RSU1: variants seen among roughly 807,000 people sequenced by gnomAD.
RSU1 encodes the protein rsu-1.
A neutral mutation model predicts 31.1 loss-of-function variants in RSU1; 26 were observed. The observed-to-expected ratio is 0.84, with a 90% CI of 0.61 to 1.16. The LOEUF (loss-of-function observed/expected upper bound fraction) is 1.16, where lower values mean the gene tolerates loss of function less well. Ranked by LOEUF, RSU1 falls within the 50% of genes most tolerant of loss-of-function variation. RSU1 has a pLI of 0.00. For missense variants in RSU1, 320 were observed against 339.1 expected (o/e 0.94, Z 0.44); for synonymous variants, 164 against 136.3 (o/e 1.20, Z -1.41).
rs147376286 is a variant in RSU1, at chr10:16,809,995, G to A, written c.109+6978C>T. ...CAGCAATTTGGGAGGCCGGGGGTGG[G>A]GGGGGGAGGTGAATCACCTGAGGTC... On this transcript the variant is annotated intron_variant, in intron 2 of 8. Coordinates refer to ENST00000345264, the MANE Select transcript of RSU1 (RefSeq NM_012425.4). Among the ~76,000 whole-genome samples the A allele has an allele frequency of 3.4e-3, 505 of 150,474 alleles. 11 individuals are homozygous for A. The highest frequency in any genetic ancestry group is 0.012 in the African/African-American group (487 of 41,326).
At chr10:16,794,349 A>T (rs769352195) in intron 2 of RSU1, among the ~76,000 whole-genome samples, 26 of 152,210 alleles carry the variant, frequency 1.7e-4, no homozygotes, top group Non-Finnish European at 3.7e-4. Flanking sequence ...TGAAACTCCC[A>T]TTAAAAGGGA....
At chr10:16,724,014 C>T (rs904830554) in intron 7 of RSU1, among the ~76,000 whole-genome samples, 17 of 152,096 alleles carry the variant, frequency 1.1e-4, no homozygotes, top group Non-Finnish European at 1.2e-4. Context: ...GATCTCGGCT[C>T]ACTGCAACCT....
chr10:16,755,080 G>C, intron 4 of RSU1, 91 bp from the exon 5 acceptor site: 1 of 704,576 alleles, frequency 1.4e-6, no homozygotes, highest in Non-Finnish European at 2.5e-6. Flanking sequence ...CGCTGAAAGT[G>C]TAAGACAGTG....
chr10:16,719,276 C>T (rs966894757), intron 7 of RSU1, among the ~76,000 whole-genome samples: 3 of 152,182 alleles, frequency 2.0e-5, no homozygotes, highest in Admixed American at 6.6e-5. Context: ...CCACTGCACT[C>T]CAGCCTGCGC....
chr10:16,672,443 G>A (rs1459001120), intron 8 of RSU1, among the ~76,000 whole-genome samples: 6 of 152,108 alleles, frequency 3.9e-5, no homozygotes, highest in Non-Finnish European at 7.3e-5. Context: ...ATTTCTAATA[G>A]CCCCTAACTG....
intron 2 of RSU1, among the ~76,000 whole-genome samples, chr10:16,812,439 C>G (rs1838429023): frequency 6.6e-6 from 1 of 151,990 alleles, no homozygotes; most frequent in Non-Finnish European, 1.5e-5. Flanking sequence ...AAGACTCCAT[C>G]TCAAAAACAA....
chr10:16,595,206 G>A (rs1588664986), intron 8 of RSU1, among the ~76,000 whole-genome samples: 1 of 152,350 alleles, frequency 6.6e-6, no homozygotes, highest in Non-Finnish European at 1.5e-5. Context: ...GAGCCACTGT[G>A]CCTGGCGTCC....
chr10:16,810,874 T>G (rs369018040), intron 2 of RSU1, among the ~76,000 whole-genome samples: 4 of 151,976 alleles, frequency 2.6e-5, no homozygotes, highest in Admixed American at 2.6e-4. Context: ...TTACAAAAAT[T>G]TGCCGGCAGT....
chr10:16,693,413 C>T (rs950693265), intron 8 of RSU1, among the ~76,000 whole-genome samples: 2 of 152,104 alleles, frequency 1.3e-5, no homozygotes, highest in Non-Finnish European at 2.9e-5. Context: ...GCCAATCAAT[C>T]CCGACCCACT....
chr10:16,694,991 TCTA>T (rs751574091), intron 8 of RSU1, 29 bp downstream of exon 8: 4 of 1,580,006 alleles, frequency 2.5e-6, no homozygotes, highest in Non-Finnish European at 2.6e-6. Context: ...AAAATCACAG[TCTA>T]CTATTTCAGA....
At chr10:16,731,397 T>A (rs889154001) in intron 7 of RSU1, among the ~76,000 whole-genome samples, 22 of 147,314 alleles carry the variant, frequency 1.5e-4, no homozygotes, top group Middle Eastern at 7.2e-3. Context: ...ACCACTGCAC[T>A]CGAGCCTGGG....
chr10:16,648,198 T>C (rs7075755), intron 8 of RSU1, among the ~76,000 whole-genome samples: 43,785 of 151,228 alleles, frequency 0.29, 6,449 homozygotes, highest in Non-Finnish European at 0.32. Context: ...ACTCCTGGGC[T>C]CAAGCCATCC....
rs532602041 is a variant in RSU1, at chr10:16,590,985, C to T, written c.*2409G>A. ...GGAGTGCGGTGGCTTAATCTCAGCTCAGTGCAACCTCTGCCTCCCGGGTTC... is the reference window on the plus strand; with the variant it reads ...GGAGTGCGGTGGCTTAATCTCAGCTTAGTGCAACCTCTGCCTCCCGGGTTC... On this transcript the variant is annotated 3_prime_UTR_variant, in exon 9 of 9. Coordinates refer to ENST00000345264, the MANE Select transcript of RSU1 (RefSeq NM_012425.4). The T allele has an allele frequency of 6.6e-6, 1 of 152,144 alleles. No homozygotes were observed. Among genetic ancestry groups the T allele is most frequent in the Non-Finnish European group, 1.5e-5 (1 of 68,048 alleles). The allele number at this position is 152,144 out of a possible 1,614,324, so 9.4% of individuals were successfully genotyped here. A position where few individuals can be genotyped will look rare whatever the true frequency, so the allele number is the denominator to read the frequency against.
intron 8 of RSU1, among the ~76,000 whole-genome samples, chr10:16,667,142 C>T (rs1835008783): frequency 1.3e-5 from 2 of 152,180 alleles, no homozygotes; most frequent in African/African-American, 4.8e-5. Flanking sequence ...ATAAAACTGA[C>T]ACCAAGGAGG....
intron 2 of RSU1, among the ~76,000 whole-genome samples, chr10:16,782,628 T>C (rs1398023549): frequency 6.6e-6 from 1 of 152,200 alleles, no homozygotes; most frequent in East Asian, 1.9e-4. Context: ...CCCTTCACAA[T>C]TTCTTCTAAA....
chr10:16,591,151 A>G lies in RSU1; in HGVS notation c.*2243T>C, dbSNP rs45599640. ...GGTCTCAAACTCCTGAGCTCAGGCA[A>G]TCTTCCCACCTTGGCCTCCCAAAGT... is the stretch of plus-strand genomic sequence containing the variant. On this transcript the variant is annotated 3_prime_UTR_variant, in exon 9 of 9. Transcript: ENST00000345264. The G allele has an allele frequency of 0.14, 21,118 of 152,216 alleles. 1,477 individuals are homozygous for G. The highest frequency in any genetic ancestry group is 0.16 in the Non-Finnish European group (10,860 of 68,044). The allele number at this position is 152,216 out of a possible 1,614,324, so 9.4% of individuals were successfully genotyped here.
At chr10:16,682,610 TCTTA>T (rs1199685227) in intron 8 of RSU1, among the ~76,000 whole-genome samples, 8 of 147,586 alleles carry the variant, frequency 5.4e-5, no homozygotes, top group Non-Finnish European at 8.9e-5. Flanking sequence ...GCGTTCCTCC[TCTTA>T]CTTTCGGGAA....
At chr10:16,594,673 C>A (rs1833579477) in intron 8 of RSU1, among the ~76,000 whole-genome samples, 1 of 137,594 alleles carries the variant, frequency 7.3e-6, no homozygotes, top group Admixed American at 7.1e-5. Flanking sequence ...TTATCTATAT[C>A]ATATATTATC....
At chr10:16,808,434 G>A (rs1392535157) in intron 2 of RSU1, among the ~76,000 whole-genome samples, 1 of 142,510 alleles carries the variant, frequency 7.0e-6, no homozygotes, top group Non-Finnish European at 1.5e-5. Flanking sequence ...CAGTGACCGT[G>A]ATCATGCCAC....
Sources: allele counts gnomAD v4.1 joint callset (sites outside exome capture counted in the v4.1 genomes callset), GRCh38; gene constraint gnomAD v4.1.1; transcripts MANE v1.5; gene names NCBI Gene and HGNC (gene_info 2026-07-23, HGNC 2026-07-21).